The following CTNNA3 variants were observed in gnomAD, a reference collection of about 807,000 sequenced individuals.
CTNNA3 encodes the protein catenin alpha-3.
A neutral mutation model predicts 95.7 loss-of-function variants in CTNNA3; 76 were observed. The observed-to-expected ratio is 0.79, with a 90% CI of 0.66 to 0.96. The LOEUF (loss-of-function observed/expected upper bound fraction) is 0.96, where lower values mean the gene tolerates loss of function less well. Among genes scored for constraint, CTNNA3 ranks in the 40% least tolerant of loss-of-function variants. The pLI is 0.00. For missense variants in CTNNA3, 1,191 were observed against 1,089.8 expected (o/e 1.09, Z -1.31); for synonymous variants, 431 against 374.4 (o/e 1.15, Z -1.74).
chr10:66,667,272 C>G (rs1333591704), intron 9 of CTNNA3, among the ~76,000 whole-genome samples: 1 of 151,146 alleles, frequency 6.6e-6, no homozygotes, highest in African/African-American at 2.4e-5. Flanking sequence ...TAGGTTTTAT[C>G]TATTCCCGCC....
chr10:66,462,718 T>C (rs1171911990), intron 11 of CTNNA3, among the ~76,000 whole-genome samples: 1 of 152,118 alleles, frequency 6.6e-6, no homozygotes, highest in Non-Finnish European at 1.5e-5. Context: ...AACTTTATAA[T>C]ATAGATACTA....
intron 5 of CTNNA3, among the ~76,000 whole-genome samples, chr10:67,335,782 T>G (rs1416677157): frequency 5.9e-5 from 9 of 152,244 alleles, no homozygotes; most frequent in African/African-American, 9.6e-5. Context: ...CTTAAAGTTG[T>G]AGTCTCCAAG....
chr10:67,511,861 C>G (rs1409561304), intron 5 of CTNNA3, among the ~76,000 whole-genome samples: 1 of 152,138 alleles, frequency 6.6e-6, no homozygotes, highest in Non-Finnish European at 1.5e-5. Flanking sequence ...TAATTATTGC[C>G]TCAATTTCAG....
chr10:66,425,878 C>G (rs1450414240), intron 11 of CTNNA3, among the ~76,000 whole-genome samples: 1 of 152,052 alleles, frequency 6.6e-6, no homozygotes, highest in African/African-American at 2.4e-5. Context: ...CCCAGAAGCT[C>G]CTTCGTTCCC....
At chr10:66,549,075 G>A (rs934215412) in intron 10 of CTNNA3, among the ~76,000 whole-genome samples, 4 of 136,282 alleles carry the variant, frequency 2.9e-5, no homozygotes, top group East Asian at 2.2e-4. Context: ...TGCAAGCTCC[G>A]GTTCCCGGGT....
At chr10:66,133,512 TA>T (rs543097320) in intron 13 of CTNNA3, among the ~76,000 whole-genome samples, 26 of 128,156 alleles carry the variant, frequency 2.0e-4, no homozygotes, top group Admixed American at 4.1e-4. Flanking sequence ...GAGTCTGTCT[TA>T]AAAAAAAAAA....
At chr10:67,351,554 T>C (rs1842639941) in intron 5 of CTNNA3, among the ~76,000 whole-genome samples, 1 of 152,010 alleles carries the variant, frequency 6.6e-6, no homozygotes, top group Non-Finnish European at 1.5e-5. Context: ...GCATAAAACA[T>C]GCCTATTAAA....
At position 67,706,567 on chromosome 10, in the gene CTNNA3, C is replaced by A. The variant is rs142315686; in HGVS notation, c.-2+56867G>T. ...GATGAAAAAAAACTCTTCCCCCATT[C>A]CAAGTCCCTTGGGAGGACATCTGGT... On this transcript the variant is annotated intron_variant, in intron 1 of 17. Coordinates refer to the CTNNA3 transcript ENST00000684154. 5.8e-3 allele frequency among the ~76,000 whole-genome samples: 878 copies of A among 152,180 alleles called. 3 individuals carry two copies. Among genetic ancestry groups the A allele is most frequent in the South Asian group, 0.023 (109 of 4,824 alleles).
At chr10:66,895,332 G>A (rs949826277) in intron 7 of CTNNA3, among the ~76,000 whole-genome samples, 2 of 152,080 alleles carry the variant, frequency 1.3e-5, no homozygotes, top group Non-Finnish European at 2.9e-5. Context: ...TACCTCATCC[G>A]TCAAACATTG....
At chr10:66,618,951 C>A (rs994173101) in intron 10 of CTNNA3, among the ~76,000 whole-genome samples, 1 of 152,126 alleles carries the variant, frequency 6.6e-6, no homozygotes, top group Non-Finnish European at 1.5e-5. Flanking sequence ...CCAACAGACA[C>A]ATGAAAAAAT....
chr10:65,969,226 G>GGGAAAC (rs2078044427), intron 16 of CTNNA3, among the ~76,000 whole-genome samples: 1 of 151,634 alleles, frequency 6.6e-6, no homozygotes, highest in Non-Finnish European at 1.5e-5. Flanking sequence ...AGATGGGAAA[G>GGGAAAC]GGAAAGGGAA....
At chr10:66,583,050 T>C (rs1016837504) in intron 10 of CTNNA3, among the ~76,000 whole-genome samples, 2 of 151,916 alleles carry the variant, frequency 1.3e-5, no homozygotes, top group African/African-American at 2.4e-5. Context: ...TACTATTTTG[T>C]TGAGCATTTT....
intron 7 of CTNNA3, chr10:67,097,691 G>C (rs544274000): frequency 3.1e-6 from 5 of 1,612,506 alleles, no homozygotes; most frequent in Non-Finnish European, 4.2e-6. Flanking sequence ...CCTTTGAAAC[G>C]AATGCACAGG....
At chr10:66,145,925 C>G (rs1176641632) in intron 13 of CTNNA3, among the ~76,000 whole-genome samples, 1 of 152,102 alleles carries the variant, frequency 6.6e-6, no homozygotes, top group African/African-American at 2.4e-5. Context: ...ATGATCTAGG[C>G]TCACTGCAAC....
chr10:66,462,993 G>A (rs72791562), intron 11 of CTNNA3, among the ~76,000 whole-genome samples: 7,496 of 152,160 alleles, frequency 0.049, 259 homozygotes, highest in East Asian at 0.11. Flanking sequence ...AGGAATGAAC[G>A]ATAGGCAGTT....
At chr10:66,553,739 G>C (rs1011961107) in intron 10 of CTNNA3, among the ~76,000 whole-genome samples, 8 of 151,744 alleles carry the variant, frequency 5.3e-5, no homozygotes, top group Middle Eastern at 6.8e-3. Flanking sequence ...TTGTGAGCCA[G>C]GATGGTGTCA....
intron 13 of CTNNA3, among the ~76,000 whole-genome samples, chr10:66,129,464 T>A (rs2082984004): frequency 6.6e-6 from 1 of 152,068 alleles, no homozygotes. Context: ...TGTGGGATTG[T>A]CTGTAGTGCA....
intron 9 of CTNNA3, among the ~76,000 whole-genome samples, chr10:66,716,081 C>T (rs1484697591): frequency 6.6e-6 from 1 of 152,044 alleles, no homozygotes; most frequent in African/African-American, 2.4e-5. Flanking sequence ...TATCCATTTG[C>T]TTGCCAATAT....
intron 7 of CTNNA3, among the ~76,000 whole-genome samples, chr10:67,057,942 C>T (rs982252675): frequency 1.3e-5 from 2 of 152,116 alleles, no homozygotes; most frequent in Non-Finnish European, 2.9e-5. Flanking sequence ...TATCACTTTG[C>T]AGAAGTGATT....
Sources: allele counts gnomAD v4.1 joint callset (sites outside exome capture counted in the v4.1 genomes callset), GRCh38; gene constraint gnomAD v4.1.1; transcripts MANE v1.5; gene names NCBI Gene and HGNC (gene_info 2026-07-23, HGNC 2026-07-21).